The following PTPRD variants were observed in gnomAD, a reference collection of about 807,000 sequenced individuals.
The protein encoded by PTPRD is receptor-type tyrosine-protein phosphatase delta.
Under a neutral mutation model 214.5 loss-of-function variants are expected in PTPRD, and 34 were observed. The ratio of observed to expected loss-of-function variants is 0.16; its 90% CI spans 0.12 to 0.21. PTPRD has a LOEUF of 0.21. Among genes scored for constraint, PTPRD ranks in the 10% least tolerant of loss-of-function variants. The pLI is 1.00. For synonymous variants in PTPRD, 1,128 were observed against 845.7 expected, an observed-to-expected ratio of 1.33 and a Z score of -5.79; for missense variants, 2,545 against 2,398.7, an observed-to-expected ratio of 1.06 and a Z score of -1.27.
chr9:8,815,175 G>A (rs2096895878), intron 11 of PTPRD, among the ~76,000 whole-genome samples: 2 of 151,768 alleles, frequency 1.3e-5, no homozygotes, highest in African/African-American at 4.8e-5. Flanking sequence ...AATGTGGAAA[G>A]AAGATATAGA....
chr9:9,818,314 G>A (rs1329915203), intron 5 of PTPRD, among the ~76,000 whole-genome samples: 1 of 152,080 alleles, frequency 6.6e-6, no homozygotes, highest in African/African-American at 2.4e-5. Context: ...ACTTTTTAAA[G>A]CCTGGTGAGG....
intron 14 of PTPRD, among the ~76,000 whole-genome samples, chr9:8,604,280 C>A (rs1203293483): frequency 1.3e-5 from 2 of 152,140 alleles, no homozygotes; most frequent in Non-Finnish European, 2.9e-5. Context: ...AAGAGAGGAC[C>A]ATTAGATCTC....
chr9:10,110,068 G>T (rs1029494455), intron 3 of PTPRD, among the ~76,000 whole-genome samples: 1 of 152,004 alleles, frequency 6.6e-6, no homozygotes, highest in African/African-American at 2.4e-5. Flanking sequence ...ATAATTTATT[G>T]TTTGTTATTA....
At chr9:9,101,935 T>G in intron 10 of PTPRD, among the ~76,000 whole-genome samples, 1 of 152,204 alleles carries the variant, frequency 6.6e-6, no homozygotes, top group East Asian at 1.9e-4. Flanking sequence ...AAGTAAATAA[T>G]GATACCTCTT....
rs540335272 is a variant in PTPRD, at chr9:10,465,960, A to C, written c.-599-124943T>G. ...AAATGCATAGATTTAGGAAAATTTC[A>C]AATACAATCAAAATACAGTTTTAGA... is the stretch of plus-strand genomic sequence containing the variant. On this transcript the variant is annotated intron_variant, in intron 2 of 45. Coordinates refer to ENST00000381196, the MANE Select transcript of PTPRD (RefSeq NM_002839.4). 2.0e-5 allele frequency among the ~76,000 whole-genome samples: 3 copies of C among 152,332 alleles called. No individual in the cohort carries two copies. In the South Asian group the frequency reaches 6.2e-4, roughly 32 times the overall value.
intron 3 of PTPRD, among the ~76,000 whole-genome samples, chr9:10,316,390 C>T (rs199611256): frequency 2.6e-5 from 4 of 151,824 alleles, no homozygotes; most frequent in Non-Finnish European, 4.4e-5. Context: ...CAACCTAATA[C>T]TTGAAGGGCA....
chr9:10,155,023 G>T (rs916535032), intron 3 of PTPRD, among the ~76,000 whole-genome samples: 1 of 151,858 alleles, frequency 6.6e-6, no homozygotes, highest in Non-Finnish European at 1.5e-5. Context: ...TTGAATCTTT[G>T]AATTGTTTTG....
chr9:9,091,639 T>C (rs947209665), intron 10 of PTPRD, among the ~76,000 whole-genome samples: 2 of 152,184 alleles, frequency 1.3e-5, no homozygotes, highest in Non-Finnish European at 2.9e-5. Context: ...GAGAAGTAAG[T>C]GAACAGTCAC....
At chr9:10,477,232 A>G (rs2099068850) in intron 2 of PTPRD, among the ~76,000 whole-genome samples, 1 of 152,214 alleles carries the variant, frequency 6.6e-6, no homozygotes, top group Non-Finnish European at 1.5e-5. Flanking sequence ...CAGTTTATCC[A>G]TCTGACAAAG....
chr9:10,280,204 C>T (rs1300753587), intron 3 of PTPRD, among the ~76,000 whole-genome samples: 1 of 151,694 alleles, frequency 6.6e-6, no homozygotes, highest in Non-Finnish European at 1.5e-5. Flanking sequence ...AGTTTCCTTC[C>T]AAAATTACCT....
intron 2 of PTPRD, among the ~76,000 whole-genome samples, chr9:10,552,879 A>G (rs1590748585): frequency 6.6e-6 from 1 of 152,332 alleles, no homozygotes; most frequent in African/African-American, 2.4e-5. Context: ...TTCTTGTCCT[A>G]AATTGGGTCC....
intron 9 of PTPRD, among the ~76,000 whole-genome samples, chr9:9,381,898 A>T (rs1444650107): frequency 1.4e-5 from 2 of 138,116 alleles, no homozygotes; most frequent in African/African-American, 2.7e-5. Flanking sequence ...TGTTTTGACT[A>T]TTTCTGTAAA....
At chr9:10,361,607 T>C (rs1460586397) in intron 2 of PTPRD, among the ~76,000 whole-genome samples, 2 of 152,134 alleles carry the variant, frequency 1.3e-5, no homozygotes, top group Non-Finnish European at 2.9e-5. Flanking sequence ...GTAAAGAATC[T>C]GAATTAATTG....
chr9:8,414,960 A>AGAGAGAGAGAGAGG (rs1564642038), intron 35 of PTPRD, among the ~76,000 whole-genome samples: 1 of 142,926 alleles, frequency 7.0e-6, no homozygotes, highest in Non-Finnish European at 1.5e-5. Context: ...AGAGAGAGAG[A>AGAGAGAGAGAGAGG]GAGAGAGAGA....
chr9:10,545,348 T>C (rs1031015816), intron 2 of PTPRD, among the ~76,000 whole-genome samples: 2 of 152,296 alleles, frequency 1.3e-5, no homozygotes, highest in Non-Finnish European at 2.9e-5. Flanking sequence ...TATTGTTAGA[T>C]ATATAGTTTT....
At chr9:10,230,712 CT>C (rs1480516258) in intron 3 of PTPRD, among the ~76,000 whole-genome samples, 1 of 151,892 alleles carries the variant, frequency 6.6e-6, no homozygotes, top group South Asian at 2.1e-4. Context: ...TTTGCTTTTG[CT>C]TTTGAGTTAA....
At position 9,567,172 on chromosome 9, in the gene PTPRD, G is replaced by A. The variant is rs567004767; in HGVS notation, c.-237+7560C>T. Among the ~76,000 whole-genome samples, 3 of 152,096 alleles carry A rather than the reference G, an allele frequency of 2.0e-5. No individual in the cohort carries two copies. In the East Asian group the frequency reaches 5.8e-4, roughly 29 times the overall value. ...TTGAGCTGAAATTTGAAGGAATGAA[G>A]GAATAGCAGTACCTTTTCTGTCAGT... is the stretch of plus-strand genomic sequence containing the variant. On this transcript the variant is annotated intron_variant, in intron 8 of 45. Coordinates refer to ENST00000381196, the MANE Select transcript of PTPRD (RefSeq NM_002839.4).
intron 11 of PTPRD, among the ~76,000 whole-genome samples, chr9:8,839,698 A>C (rs1428395710): frequency 6.6e-6 from 1 of 152,192 alleles, no homozygotes; most frequent in Non-Finnish European, 1.5e-5. Context: ...CAACCCTAAA[A>C]AGAAATAATG....
chr9:9,108,128 A>G (rs10977500), intron 10 of PTPRD, among the ~76,000 whole-genome samples: 18,675 of 152,140 alleles, frequency 0.12, 1,397 homozygotes, highest in East Asian at 0.22. Context: ...ACTATTTCCA[A>G]GCCTGCAGCA....
Sources: gnomAD v4.1 joint callset for allele counts (sites outside exome capture counted in the v4.1 genomes callset) on GRCh38, gnomAD v4.1.1 for gene constraint, MANE v1.5 for transcripts, NCBI Gene and HGNC (gene_info 2026-07-23, HGNC 2026-07-21) for gene names.